The following TMEM41B variants were observed in gnomAD, a reference collection of about 807,000 sequenced individuals.
TMEM41B encodes the protein protein stasimon.
In TMEM41B, 18 loss-of-function variants were observed where a neutral mutation model predicts 31.9. The observed-to-expected ratio is 0.56, with a 90% CI of 0.39 to 0.84. The LOEUF is 0.84. Among genes scored for constraint, TMEM41B ranks in the 40% least tolerant of loss-of-function variants. The probability of loss-of-function intolerance (pLI) is 0.00; values close to 1 mark genes in which losing one functional copy is unlikely to be tolerated. For missense variants in TMEM41B, 322 were observed against 348.0 expected (o/e 0.93, Z 0.59); for synonymous variants, 144 against 124.3 (o/e 1.16, Z -1.05).
In TMEM41B at chr11:9,281,276, T is replaced by A. The variant is rs1463493573; in HGVS notation, c.*2148A>T. ...TTGTCCAAAAAGGCTATGTTTAATT[T>A]ATGTGTAAAAATAACAAAAGATGTA... On this transcript the variant is annotated 3_prime_UTR_variant, in exon 7 of 7. Transcript: ENST00000528080. 6.6e-6 allele frequency: 1 copy of A among 152,210 alleles called. No homozygotes were observed. Among genetic ancestry groups the A allele is most frequent in the Non-Finnish European group, 1.5e-5 (1 of 68,046 alleles). 9.4% of individuals were successfully genotyped at this position (152,210 alleles called of 1,614,324 possible).
At position 9,300,950 on chromosome 11, in the gene TMEM41B, G is replaced by A. The variant is rs1226942345; in HGVS notation, c.122-1249C>T. On this transcript the variant is annotated intron_variant, in intron 1 of 6. Transcript: ENST00000528080. ...AGAAGCAGTAAGCAGAAGAAAGTAC[G>A]GGACTGTTTTCCCAGGAACTGGTCA... Among the ~76,000 whole-genome samples the A allele has an allele frequency of 3.3e-5, 5 of 152,082 alleles. No individual in the cohort carries two copies. The South Asian group carries it at 8.3e-4, about 25-fold the overall frequency.
At chr11:9,310,042 T>A (rs1308429723) in intron 1 of TMEM41B, among the ~76,000 whole-genome samples, 2 of 145,016 alleles carry the variant, frequency 1.4e-5, no homozygotes, top group African/African-American at 5.4e-5. Context: ...ATTATTATTA[T>A]TATTTTTTTT....
At chr11:9,296,004 G>A (rs1853076677) in intron 2 of TMEM41B, among the ~76,000 whole-genome samples, 1 of 150,984 alleles carries the variant, frequency 6.6e-6, no homozygotes, top group African/African-American at 2.4e-5. Flanking sequence ...TTACAGGCAC[G>A]TCCCACCATG....
intron 1 of TMEM41B, among the ~76,000 whole-genome samples, chr11:9,301,865 T>A (rs1045224587): frequency 1.3e-5 from 2 of 152,044 alleles, no homozygotes; most frequent in African/African-American, 4.8e-5. Context: ...ACAAGAAAGG[T>A]TGGAACAGAA....
chr11:9,288,649 T>C, intron 3 of TMEM41B, 114 bp from the exon 4 acceptor site: 3 of 721,984 alleles, frequency 4.2e-6, no homozygotes, highest in Non-Finnish European at 6.6e-6. Context: ...TGAGATTATA[T>C]CCAAAGGTCT....
intron 1 of TMEM41B, among the ~76,000 whole-genome samples, chr11:9,310,835 T>G (rs1853542928): frequency 6.6e-6 from 1 of 152,146 alleles, no homozygotes. Flanking sequence ...TTGCAGTTAG[T>G]GCAACCAACA....
At chr11:9,313,503 TAC>T (rs1261296247) in intron 1 of TMEM41B, among the ~76,000 whole-genome samples, 1 of 152,200 alleles carries the variant, frequency 6.6e-6, no homozygotes, top group Non-Finnish European at 1.5e-5. Context: ...AGTTTCTACG[TAC>T]AGTTTTTTCC....
rs1179262989 is a variant in TMEM41B at position 9,302,161 on chromosome 11, G to A, written c.122-2460C>T. ...AGCTAGAACTACAGACACCTGCCAC[G>A]ATGCCCGGCTAATTTTTTTTTGTAT... On this transcript the variant is annotated intron_variant, in intron 1 of 6. Transcript: ENST00000528080. 5.4e-5 allele frequency among the ~76,000 whole-genome samples: 4 copies of A among 73,684 alleles called. 1 individual carries two copies. The highest frequency in any genetic ancestry group is 9.3e-5 in the Non-Finnish European group (3 of 32,292). 48.3% of individuals were successfully genotyped at this position (73,684 alleles called of 152,430 possible).
At position 9,296,836 on chromosome 11, in the gene TMEM41B, T is replaced by C. The variant is rs372911597; in HGVS notation, c.240-1449A>G. On this transcript the variant is annotated intron_variant, in intron 2 of 6. Transcript: ENST00000528080. ...GTACTTTTACTCTATATTTGGCACT[T>C]TGTTTGGAACTGAATGATTTCTTGC... Among the ~76,000 whole-genome samples the C allele has an allele frequency of 3.9e-5, 6 of 152,312 alleles. No individual in the cohort carries two copies. In the East Asian group the frequency reaches 5.8e-4, roughly 15 times the overall value.
intron 3 of TMEM41B, among the ~76,000 whole-genome samples, chr11:9,291,354 C>T (rs141818518): frequency 6.6e-6 from 1 of 151,828 alleles, no homozygotes; most frequent in Non-Finnish European, 1.5e-5. Context: ...TACACTCCAG[C>T]CTGGGAAACA....
At position 9,299,627 on chromosome 11, in the gene TMEM41B, A is replaced by C. The variant is rs982060406; in HGVS notation, c.196T>G (p.Phe66Val). ...ILVSIFLSAA[F>V]VMFLVYKNFP... ...TTTTTATATACCAAAAACATAACAAAAGCTGCAGATAAGAAAATGGACACC... is the reference window on the plus strand; with the variant it reads ...TTTTTATATACCAAAAACATAACAACAGCTGCAGATAAGAAAATGGACACC... Residue 66 changes from phenylalanine (F) to valine (V), a missense_variant, in exon 2 of 7, where the codon TTT (phenylalanine) becomes GTT (valine). By Grantham distance (50) the Phe-to-Val change is conservative. Coordinates refer to ENST00000528080, the MANE Select transcript of TMEM41B (RefSeq NM_015012.4). 8.7e-6 allele frequency: 14 copies of C among 1,613,422 alleles called. No individual in the cohort carries two copies. In the Admixed American group the frequency reaches 1.5e-4, roughly 17 times the overall value.
rs187824554 is a variant in TMEM41B, at chr11:9,301,308, T to A, written c.122-1607A>T. 2.5e-3 allele frequency among the ~76,000 whole-genome samples: 378 copies of A among 152,082 alleles called. 1 individual carries two copies. The highest frequency in any genetic ancestry group is 4.1e-3 in the Non-Finnish European group (276 of 67,984). On this transcript the variant is annotated intron_variant, in intron 1 of 6. Transcript: ENST00000528080. ...TACTTGGGAGGCTGGGGCAGGAGAA[T>A]GGCATGAACCTGGGAGGCGGAGCTT...
At chr11:9,291,504 C>T (rs1425008128) in intron 3 of TMEM41B, among the ~76,000 whole-genome samples, 3 of 151,582 alleles carry the variant, frequency 2.0e-5, no homozygotes, top group African/African-American at 4.8e-5. Flanking sequence ...CAGGTTCAAG[C>T]GATTCTCCTG....
chr11:9,288,326 A>T lies in TMEM41B; in HGVS notation c.462+116T>A, dbSNP rs1408055728. 5 of 691,310 alleles carry T rather than the reference A, an allele frequency of 7.2e-6. No individual in the cohort carries two copies. The African/African-American group carries it at 9.3e-5, about 13-fold the overall frequency. The allele number at this position is 691,310 out of a possible 1,614,324, so 42.8% of individuals were successfully genotyped here. On this transcript the variant is annotated intron_variant, in intron 4 of 6. Coordinates refer to ENST00000528080, the MANE Select transcript of TMEM41B (RefSeq NM_015012.4). ...TCCTTGTGGAGGGACTTTAACATTAACTCCTCTTCAATTAATGAGTTTATG... is the reference window on the plus strand; with the variant it reads ...TCCTTGTGGAGGGACTTTAACATTATCTCCTCTTCAATTAATGAGTTTATG...
intron 1 of TMEM41B, among the ~76,000 whole-genome samples, chr11:9,304,463 C>T (rs924460090): frequency 6.6e-6 from 1 of 151,828 alleles, no homozygotes; most frequent in Non-Finnish European, 1.5e-5. Context: ...ATATAAACCC[C>T]ATTTATTTAT....
chr11:9,295,270 A>T lies in TMEM41B; in HGVS notation c.357T>A (p.Ala119=). 6.4e-7 allele frequency: 1 copy of T among 1,562,598 alleles called. No individual in the cohort carries two copies. Reference sequence around the variant, plus strand: ...AGTTAAAAGGATACAAAATATATGTAGCAAAATAAGCTACAAGTACTTGAA... The same window carrying T: ...AGTTAAAAGGATACAAAATATATGTTGCAAAATAAGCTACAAGTACTTGAA... ...FYVQVLVAYF[A]TYIFLQTFAI... is the part of the protein sequence containing the mutation. The change falls in exon 3 of 7, where the codon GCT becomes GCA. Residue 119 remains alanine (A), a synonymous_variant. Transcript: ENST00000528080.
chr11:9,298,707 T>C (rs986967462), intron 2 of TMEM41B, among the ~76,000 whole-genome samples: 2 of 149,954 alleles, frequency 1.3e-5, no homozygotes, highest in African/African-American at 4.9e-5. Context: ...GAGGCAGAGA[T>C]CACAGTAAGC....
At chr11:9,299,840 C>G (rs1168444172) in intron 1 of TMEM41B, 139 bp from the exon 2 acceptor site, 3 of 691,096 alleles carry the variant, frequency 4.3e-6, no homozygotes, top group Non-Finnish European at 7.5e-6. Context: ...AAGCACTGGG[C>G]CGGGCACAGT....
chr11:9,288,488 G>T lies in TMEM41B; in HGVS notation c.416C>A (p.Ser139Ter). The change falls in exon 4 of 7, where the codon TCA (serine) becomes TAA (stop). Residue 139 changes from serine (S) to a stop codon, truncating the protein, a stop_gained. Transcript: ENST00000528080. LOFTEE classifies it high-confidence loss of function. ...TAGTGGAAAGGGATAAAGAAACCCT[G>T]AGAGTATACTGAGAAATATAGAGCC... is the stretch of plus-strand genomic sequence containing the variant. ...IPGSIFLSIL[S>*]GFLYPFPLAL... 6.3e-7 allele frequency: 1 copy of T among 1,597,552 alleles called. No individual in the cohort carries two copies. Among genetic ancestry groups the T allele is most frequent in the Admixed American group, 1.8e-5 (1 of 56,494 alleles).
Sources: allele counts gnomAD v4.1 joint callset (sites outside exome capture counted in the v4.1 genomes callset), GRCh38; gene constraint gnomAD v4.1.1; transcripts MANE v1.5; gene names NCBI Gene and HGNC (gene_info 2026-07-23, HGNC 2026-07-21).